PCSK1: variants seen among roughly 807,000 people sequenced by gnomAD.
PCSK1 encodes the protein proprotein convertase subtilisin/kexin type 1, also known as neuroendocrine convertase 1.
Under a neutral mutation model 90.6 loss-of-function variants are expected in PCSK1, and 56 were observed. The observed-to-expected ratio is 0.62, with a 90% CI of 0.50 to 0.77. The LOEUF (loss-of-function observed/expected upper bound fraction) is 0.77. PCSK1 is among the 30% of genes least tolerant of loss of function. The pLI, the probability that PCSK1 is intolerant of heterozygous loss-of-function variation, is 0.00. For synonymous variants in PCSK1, 348 were observed against 342.4 expected, an observed-to-expected ratio of 1.02 and a Z score of -0.18; for missense variants, 801 against 932.6, an observed-to-expected ratio of 0.86 and a Z score of 1.84.
chr5:96,433,136 G>C lies in PCSK1; in HGVS notation c.-94C>G. On this transcript the variant is annotated 5_prime_UTR_variant, in exon 1 of 14. Transcript: ENST00000311106. ...AGACAGACTCCCCCTTCCCACCCTC[G>C]GGCTCTAGACCACTCCTGGCTCCTG... 2 of 1,213,944 alleles carry C rather than the reference G, an allele frequency of 1.6e-6. No individual in the cohort carries two copies. The highest frequency in any genetic ancestry group is 1.7e-5 in the Admixed American group (1 of 58,784). The allele number at this position is 1,213,944 out of a possible 1,614,324, so 75.2% of individuals were successfully genotyped here.
chr5:96,412,752 G>GT (rs57397343), intron 6 of PCSK1, among the ~76,000 whole-genome samples: 22,721 of 71,526 alleles, frequency 0.32, 3,641 homozygotes, highest in Admixed American at 0.38. Context: ...CAGCTGTGAT[G>GT]TTTTTTTTTT....
intron 11 of PCSK1, among the ~76,000 whole-genome samples, chr5:96,398,519 G>A (rs145946558): frequency 3.0e-4 from 46 of 152,048 alleles, no homozygotes; most frequent in African/African-American, 4.1e-4. Flanking sequence ...TGTATGTTTC[G>A]GATATATCTG....
intron 1 of PCSK1, among the ~76,000 whole-genome samples, chr5:96,431,907 G>A (rs1360992269): frequency 1.3e-5 from 2 of 152,062 alleles, no homozygotes; most frequent in Non-Finnish European, 2.9e-5. Context: ...GCCAAGGAAA[G>A]GAAAGCTCTA....
intron 5 of PCSK1, among the ~76,000 whole-genome samples, chr5:96,420,768 A>T (rs1761100396): frequency 7.1e-6 from 1 of 141,540 alleles, no homozygotes. Flanking sequence ...AGGAAGGAAG[A>T]GAGGGAGAGA....
rs1760077279 is a variant in PCSK1 at position 96,394,882 on chromosome 5, C to T, written c.1866G>A (p.Lys622=). The T allele has an allele frequency of 6.2e-7, 1 of 1,614,006 alleles. No individual in the cohort carries two copies. Among genetic ancestry groups the T allele is most frequent in the South Asian group, 1.1e-5 (1 of 91,078 alleles). ...TVQNDRRGVE[K]MVDPGEEQPT... ...CACAGACCTCCCCTGGATCCACCAT[C>T]TTCTCCACCCCTCTTCTGTCATTCT... Residue 622 remains lysine (K), a synonymous_variant, in exon 13 of 14, where the codon AAG becomes AAA. Transcript: ENST00000311106.
chr5:96,399,127 G>A (rs2112397163), intron 10 of PCSK1, 91 bp from the exon 11 acceptor site: 2 of 899,438 alleles, frequency 2.2e-6, no homozygotes, highest in Non-Finnish European at 3.6e-6. Flanking sequence ...TTGACTAGAT[G>A]CTCAACTAAG....
intron 6 of PCSK1, among the ~76,000 whole-genome samples, chr5:96,415,601 A>G (rs1760915364): frequency 6.6e-6 from 1 of 152,248 alleles, no homozygotes; most frequent in African/African-American, 2.4e-5. Context: ...GCTATTTAAT[A>G]TAATAAGTAT....
At chr5:96,409,575 T>A (rs1760686173) in intron 8 of PCSK1, among the ~76,000 whole-genome samples, 1 of 152,238 alleles carries the variant, frequency 6.6e-6, no homozygotes, top group South Asian at 2.1e-4. Flanking sequence ...TTCTTCTGCT[T>A]CAGTGCAGGT....
rs942361815 is a variant in PCSK1, at chr5:96,391,095, T to C, written c.*1906A>G. ...TAATACTTTTTGATATGCTCCAATA[T>C]TGGAAATTCTATCTAACACTTCATA... is the stretch of plus-strand genomic sequence containing the variant. On this transcript the variant is annotated 3_prime_UTR_variant, in exon 14 of 14. Transcript: ENST00000311106. 1.3e-5 allele frequency: 2 copies of C among 152,252 alleles called. No individual in the cohort carries two copies. Among genetic ancestry groups the C allele is most frequent in the African/African-American group, 4.8e-5 (2 of 41,466 alleles). 9.4% of individuals were successfully genotyped at this position (152,252 alleles called of 1,614,324 possible).
chr5:96,410,556 T>C (rs568868806), intron 8 of PCSK1, among the ~76,000 whole-genome samples: 64 of 152,088 alleles, frequency 4.2e-4, no homozygotes, highest in Admixed American at 4.1e-3. Context: ...GGTTTAAAAA[T>C]GACAGAGGGG....
chr5:96,404,550 A>T (rs554479297), intron 9 of PCSK1, among the ~76,000 whole-genome samples: 2 of 152,314 alleles, frequency 1.3e-5, no homozygotes, highest in South Asian at 4.1e-4. Flanking sequence ...TTAACACAGC[A>T]TATTGAGTAG....
chr5:96,428,753 C>G (rs1761395823), intron 2 of PCSK1, among the ~76,000 whole-genome samples: 2 of 151,918 alleles, frequency 1.3e-5, no homozygotes, highest in Non-Finnish European at 2.9e-5. Context: ...TTCAGTTATA[C>G]TGAAATGTTA....
rs1183703883 is a variant in PCSK1, at chr5:96,397,424, G to C, written c.1634C>G (p.Pro545Arg). ...GAAGTCCCAATTCTTAAAGCCATTAGGAGATGTATCCCGTTCTCTTTCAGC... is the reference window on the plus strand; with the variant it reads ...GAAGTCCCAATTCTTAAAGCCATTACGAGATGTATCCCGTTCTCTTTCAGC... ...LLAERERDTS[P>R]NGFKNWDFMS... The change falls in exon 12 of 14, where the codon CCT becomes CGT. Residue 545 changes from proline to arginine, a missense_variant. Pro to Arg is a moderately radical substitution (Grantham distance 103). Transcript: ENST00000311106. 1.3e-5 allele frequency: 21 copies of C among 1,612,250 alleles called. No homozygotes were observed. Among genetic ancestry groups the C allele is most frequent in the Non-Finnish European group, 1.8e-5 (21 of 1,178,404 alleles).
chr5:96,390,404 A>C lies in PCSK1; in HGVS notation c.*2597T>G, dbSNP rs1383467819. 6.6e-6 allele frequency: 1 copy of C among 152,218 alleles called. No homozygotes were observed. The highest frequency in any genetic ancestry group is 1.5e-5 in the Non-Finnish European group (1 of 68,032). The allele number at this position is 152,218 out of a possible 1,614,324, so 9.4% of individuals were successfully genotyped here. A position where few individuals can be genotyped will look rare whatever the true frequency, so the allele number is the denominator to read the frequency against. On this transcript the variant is annotated 3_prime_UTR_variant, in exon 14 of 14. Transcript: ENST00000311106. ...CAATTTATTTTTCTGATTTATAAGC[A>C]TATTTTACATATTCTGGTCAATACA... is the stretch of plus-strand genomic sequence containing the variant.
chr5:96,416,122 C>T lies in PCSK1; in HGVS notation c.621-1G>A. 1 of 1,600,082 alleles carries T rather than the reference C, an allele frequency of 6.2e-7. No individual in the cohort carries two copies. The highest frequency in any genetic ancestry group is 1.1e-5 in the South Asian group (1 of 90,810). ...TTCTCCTGCACATCTGGTCCCGTGTCTGAGGATTGAAAAATAAGAATTATA... is the reference window on the plus strand; with the variant it reads ...TTCTCCTGCACATCTGGTCCCGTGTTTGAGGATTGAAAAATAAGAATTATA... On this transcript the variant is annotated splice_acceptor_variant, in intron 5 of 13. Transcript: ENST00000311106. LOFTEE classifies it high-confidence loss of function.
At chr5:96,427,586 T>C (rs565867755) in intron 2 of PCSK1, among the ~76,000 whole-genome samples, 8 of 152,276 alleles carry the variant, frequency 5.3e-5, no homozygotes, top group Admixed American at 1.3e-4. Context: ...TGTCTTGAGA[T>C]TCCACCCCTC....
chr5:96,412,534 T>C (rs2112422617), intron 6 of PCSK1, 44 bp from the exon 7 acceptor site: 1 of 1,547,988 alleles, frequency 6.5e-7, no homozygotes, highest in Non-Finnish European at 8.9e-7. Context: ...TTGATGTCAG[T>C]ATGTACATGG....
chr5:96,423,701 C>T (rs1400924700), intron 3 of PCSK1, among the ~76,000 whole-genome samples: 1 of 152,198 alleles, frequency 6.6e-6, no homozygotes, highest in Non-Finnish European at 1.5e-5. Context: ...ATCACCTGTG[C>T]TCCTTCTCTT....
chr5:96,417,859 T>C (rs977362529), intron 5 of PCSK1, among the ~76,000 whole-genome samples: 1 of 152,188 alleles, frequency 6.6e-6, no homozygotes, highest in Admixed American at 6.5e-5. Context: ...CTCTTTGCCT[T>C]AGTAGAAGGA....
Sources: allele counts gnomAD v4.1 joint callset (sites outside exome capture counted in the v4.1 genomes callset), GRCh38; gene constraint gnomAD v4.1.1; transcripts MANE v1.5; gene names NCBI Gene and HGNC (gene_info 2026-07-23, HGNC 2026-07-21).